ARMH3: variants seen among roughly 807,000 people sequenced by gnomAD.
ARMH3 encodes armadillo like helical domain containing 3, also known as armadillo-like helical domain-containing protein 3.
Under a neutral mutation model 99.1 loss-of-function variants are expected in ARMH3, and 60 were observed. The observed-to-expected ratio is 0.61, with a 90% CI of 0.49 to 0.75. The LOEUF is 0.75. Ranked by LOEUF, ARMH3 falls within the 30% of genes least tolerant of loss-of-function variation. ARMH3 has a pLI of 0.00. For missense variants in ARMH3, 679 were observed against 843.1 expected, an observed-to-expected ratio of 0.81 and a Z score of 2.41; for synonymous variants, 285 against 292.8, an observed-to-expected ratio of 0.97 and a Z score of 0.27.
At chr10:101,906,381 T>A (rs1842638420) in intron 23 of ARMH3, among the ~76,000 whole-genome samples, 1 of 152,194 alleles carries the variant, frequency 6.6e-6, no homozygotes. Flanking sequence ...ACCAGCAGTG[T>A]AAAGACCTAT....
chr10:101,894,065 G>C (rs1372451037), intron 23 of ARMH3, among the ~76,000 whole-genome samples: 2 of 152,174 alleles, frequency 1.3e-5, no homozygotes, highest in African/African-American at 4.8e-5. Context: ...AAACTGTTTA[G>C]AAACCTGAGT....
At chr10:101,850,090 CTTTTTTTTTTTTT>C (rs754571008) in intron 24 of ARMH3, among the ~76,000 whole-genome samples, 198 bp from the exon 25 acceptor site, 3 of 91,308 alleles carry the variant, frequency 3.3e-5, no homozygotes, top group East Asian at 3.8e-4. Flanking sequence ...CTCTCTCTCT[CTTTTTTTTTTTTT>C]TTTTTTTTTT....
intron 23 of ARMH3, among the ~76,000 whole-genome samples, chr10:101,928,713 T>TG (rs1554865209): frequency 6.6e-6 from 1 of 152,008 alleles, no homozygotes; most frequent in Non-Finnish European, 1.5e-5. Context: ...AATAAGATAT[T>TG]TTGTTGTTGT....
chr10:101,881,673 T>C (rs531816725), intron 24 of ARMH3, among the ~76,000 whole-genome samples: 8 of 152,282 alleles, frequency 5.3e-5, no homozygotes, highest in East Asian at 1.9e-4. Context: ...CCAAAGGCAG[T>C]ACACTTAGGA....
intron 23 of ARMH3, among the ~76,000 whole-genome samples, chr10:101,918,626 G>GC (rs1843180791): frequency 6.6e-6 from 1 of 152,126 alleles, no homozygotes; most frequent in African/African-American, 2.4e-5. Context: ...AACATACGAA[G>GC]CAACAGTATG....
At chr10:102,006,289 C>G (rs2066485897) in intron 14 of ARMH3, among the ~76,000 whole-genome samples, 1 of 152,204 alleles carries the variant, frequency 6.6e-6, no homozygotes, top group Admixed American at 6.5e-5. Flanking sequence ...GTCTAGCACT[C>G]CATGCCTCTA....
chr10:101,945,905 A>T (rs1227523990), intron 22 of ARMH3, among the ~76,000 whole-genome samples: 1 of 151,586 alleles, frequency 6.6e-6, no homozygotes, highest in Non-Finnish European at 1.5e-5. Context: ...CAACATGACA[A>T]AACCCCATCT....
At chr10:102,023,610 T>C in intron 7 of ARMH3, 47 bp from the exon 8 acceptor site, 2 of 1,610,228 alleles carry the variant, frequency 1.2e-6, no homozygotes, top group South Asian at 1.1e-5. Context: ...TCCTGGTTCC[T>C]GAGAACACAG....
rs148472367 is a variant in ARMH3 at position 101,855,720 on chromosome 10, A to G, written c.1861-5828T>C. On this transcript the variant is annotated intron_variant, in intron 24 of 25. Coordinates refer to ENST00000370033, the MANE Select transcript of ARMH3 (RefSeq NM_024541.3). ...AAAAATATATATATATATTTTATAT[A>G]TATTTATATAAAATACATTATATAA... is the stretch of plus-strand genomic sequence containing the variant. 4.0e-3 allele frequency among the ~76,000 whole-genome samples: 591 copies of G among 146,942 alleles called. 4 individuals carry two copies. The highest frequency in any genetic ancestry group is 5.8e-3 in the Non-Finnish European group (389 of 66,798).
chr10:102,047,409 C>G (rs74926892), intron 1 of ARMH3, among the ~76,000 whole-genome samples: 1 of 152,016 alleles, frequency 6.6e-6, no homozygotes, highest in South Asian at 2.1e-4. Context: ...GAGCTGTGAT[C>G]CCCTATTTCA....
At chr10:101,925,811 T>C (rs1843486432) in intron 23 of ARMH3, among the ~76,000 whole-genome samples, 1 of 152,142 alleles carries the variant, frequency 6.6e-6, no homozygotes, top group South Asian at 2.1e-4. Flanking sequence ...CCAGGGAGGC[T>C]GAGGCAGGGG....
Position 102,013,968 on chromosome 10 carries a change from A to G in ARMH3, c.726T>C (p.Asn242=). 6.2e-7 allele frequency: 1 copy of G among 1,603,732 alleles called. No homozygotes were observed. The highest frequency in any genetic ancestry group is 8.5e-7 in the Non-Finnish European group (1 of 1,173,382). ...LSIVDDEATL[N]GMGLVIAQAL... ...AATACACAAGGATCCAGATACTCAC[A>G]TTGAGTGTGGCCTCATCATCCACGA... The change falls in exon 9 of 26, where the codon AAT becomes AAC. Residue 242 remains asparagine (N), a splice_region_variant and synonymous_variant. Coordinates refer to ENST00000370033, the MANE Select transcript of ARMH3 (RefSeq NM_024541.3).
chr10:102,022,315 A>G (rs1003937701), intron 8 of ARMH3, among the ~76,000 whole-genome samples: 13 of 151,018 alleles, frequency 8.6e-5, no homozygotes, highest in Non-Finnish European at 1.8e-4. Context: ...GGGAACTTCA[A>G]AAAAAAACAA....
intron 19 of ARMH3, among the ~76,000 whole-genome samples, chr10:101,980,101 A>T (rs1846162994): frequency 1.3e-5 from 2 of 152,200 alleles, no homozygotes; most frequent in Non-Finnish European, 2.9e-5. Context: ...CTCATCACAC[A>T]AACCAAAAGG....
chr10:101,919,640 C>G (rs565493094), intron 23 of ARMH3, among the ~76,000 whole-genome samples: 21 of 152,140 alleles, frequency 1.4e-4, no homozygotes, highest in Non-Finnish European at 2.1e-4. Flanking sequence ...CCTGCTTGAT[C>G]TCCAATGCTG....
intron 20 of ARMH3, among the ~76,000 whole-genome samples, chr10:101,964,881 T>C (rs1422682855): frequency 6.0e-5 from 9 of 149,406 alleles, no homozygotes; most frequent in Non-Finnish European, 1.3e-4. Context: ...GGCATGGTGG[T>C]ACACACCTAT....
intron 23 of ARMH3, among the ~76,000 whole-genome samples, chr10:101,895,917 C>T (rs944127638): frequency 6.6e-6 from 1 of 151,994 alleles, no homozygotes; most frequent in Admixed American, 6.6e-5. Context: ...TTAGGGAAAT[C>T]CAAATCAAAA....
intron 24 of ARMH3, among the ~76,000 whole-genome samples, chr10:101,865,705 T>C (rs1286109312): frequency 6.6e-6 from 1 of 151,332 alleles, no homozygotes; most frequent in South Asian, 2.1e-4. Context: ...GCCAGGCTGG[T>C]CTTGAACTCC....
chr10:102,016,872 C>T (rs770935339), intron 8 of ARMH3, among the ~76,000 whole-genome samples: 2 of 152,208 alleles, frequency 1.3e-5, no homozygotes, highest in Non-Finnish European at 2.9e-5. Context: ...TTGCTCTTCC[C>T]TAGACCTTTT....
Sources: allele counts gnomAD v4.1 joint callset (sites outside exome capture counted in the v4.1 genomes callset), GRCh38; gene constraint gnomAD v4.1.1; transcripts MANE v1.5; gene names NCBI Gene and HGNC (gene_info 2026-07-23, HGNC 2026-07-21).